Variants in SLC24A2 observed in about 807,000 individuals in gnomAD.
The protein encoded by SLC24A2 is solute carrier family 24 member 2.
In SLC24A2, 36 loss-of-function variants were observed where a neutral mutation model predicts 62.0. The ratio of observed to expected loss-of-function variants is 0.58; its 90% CI spans 0.44 to 0.77. The LOEUF (loss-of-function observed/expected upper bound fraction) is 0.77, where lower values mean the gene tolerates loss of function less well. Among genes scored for constraint, SLC24A2 ranks in the 30% least tolerant of loss-of-function variants. The pLI is 0.00. For synonymous variants in SLC24A2, 358 were observed against 294.0 expected (o/e 1.22, Z -2.23); for missense variants, 846 against 817.9 (o/e 1.03, Z -0.42).
intron 2 of SLC24A2, among the ~76,000 whole-genome samples, chr9:19,665,013 G>T (rs1450239648): frequency 6.6e-6 from 1 of 152,202 alleles, no homozygotes; most frequent in South Asian, 2.1e-4. Context: ...GTAACACCAG[G>T]TTTGCTGATT....
the SLC24A2 span, among the ~76,000 whole-genome samples, chr9:20,295,501 G>A: frequency 6.6e-6 from 1 of 152,192 alleles, no homozygotes; most frequent in African/African-American, 2.4e-5. Flanking sequence ...GTGTGTCTGT[G>A]AGGGTGTTTC....
At chr9:19,828,866 C>A in the SLC24A2 span, among the ~76,000 whole-genome samples, 1 of 152,062 alleles carries the variant, frequency 6.6e-6, no homozygotes, top group Admixed American at 6.6e-5. Context: ...GCTGCTCAGG[C>A]TCAGAGAAGC....
the SLC24A2 span, among the ~76,000 whole-genome samples, chr9:20,052,145 A>T: frequency 1.5e-4 from 23 of 152,300 alleles, no homozygotes; most frequent in African/African-American, 5.1e-4. Context: ...TATATATTTA[A>T]TTGCTTCATT....
At chr9:20,190,794 G>A in the SLC24A2 span, among the ~76,000 whole-genome samples, 5 of 152,078 alleles carry the variant, frequency 3.3e-5, no homozygotes, top group African/African-American at 1.2e-4. Context: ...GTATGACTTC[G>A]GGAAAATTAT....
At chr9:20,003,209 C>A in the SLC24A2 span, among the ~76,000 whole-genome samples, 1 of 152,130 alleles carries the variant, frequency 6.6e-6, no homozygotes, top group Admixed American at 6.5e-5. Context: ...AACACTTGAA[C>A]ACGTAACACA....
At chr9:20,110,960 G>A in the SLC24A2 span, among the ~76,000 whole-genome samples, 1 of 152,134 alleles carries the variant, frequency 6.6e-6, no homozygotes, top group East Asian at 1.9e-4. Context: ...TTTCTTGGTA[G>A]TATGTTTAAA....
chr9:20,020,477 A>G, the SLC24A2 span, among the ~76,000 whole-genome samples: 37 of 152,276 alleles, frequency 2.4e-4, no homozygotes, highest in African/African-American at 8.9e-4. Context: ...AAGAACAGAA[A>G]ACCAAACACT....
chr9:20,162,524 G>T, the SLC24A2 span, among the ~76,000 whole-genome samples: 4 of 151,974 alleles, frequency 2.6e-5, no homozygotes, highest in African/African-American at 9.7e-5. Context: ...GGACCAGATG[G>T]ATTCACAGCC....
chr9:20,197,566 A>T, the SLC24A2 span, among the ~76,000 whole-genome samples: 12 of 151,202 alleles, frequency 7.9e-5, no homozygotes, highest in Admixed American at 7.9e-4. Flanking sequence ...CGAGTAGCTG[A>T]CACTACAGGC....
the SLC24A2 span, among the ~76,000 whole-genome samples, chr9:20,078,070 G>A: frequency 3.3e-5 from 5 of 149,626 alleles, no homozygotes; most frequent in Non-Finnish European, 7.5e-5. Flanking sequence ...ATACTTTCTG[G>A]TACTGGTTTA....
the SLC24A2 span, among the ~76,000 whole-genome samples, chr9:20,201,866 G>A: frequency 2.2e-3 from 329 of 152,218 alleles, 1 homozygote; most frequent in Non-Finnish European, 3.5e-3. Flanking sequence ...TCAAAAACGT[G>A]GCAATTAGGG....
chr9:20,279,936 G>T, the SLC24A2 span, among the ~76,000 whole-genome samples: 1 of 152,136 alleles, frequency 6.6e-6, no homozygotes, highest in Admixed American at 6.5e-5. Flanking sequence ...AAACCACTGA[G>T]GATCAGGACT....
chr9:20,171,753 C>A, the SLC24A2 span, among the ~76,000 whole-genome samples: 1 of 151,910 alleles, frequency 6.6e-6, no homozygotes, highest in African/African-American at 2.4e-5. Flanking sequence ...GAGCTAGCAA[C>A]ACAATAAAAG....
chr9:20,224,467 A>T, the SLC24A2 span, among the ~76,000 whole-genome samples: 3 of 152,148 alleles, frequency 2.0e-5, no homozygotes, highest in African/African-American at 7.2e-5. Flanking sequence ...CATGGAAGTC[A>T]TAAAACCAGA....
chr9:19,741,192 C>A (rs1187201845), intron 2 of SLC24A2, among the ~76,000 whole-genome samples: 2 of 152,138 alleles, frequency 1.3e-5, no homozygotes, highest in African/African-American at 4.8e-5. Flanking sequence ...TGACTCCAAA[C>A]CCACTCTTGT....
At chr9:20,042,258 T>C in the SLC24A2 span, among the ~76,000 whole-genome samples, 1 of 152,152 alleles carries the variant, frequency 6.6e-6, no homozygotes, top group South Asian at 2.1e-4. Context: ...TTGTGGTGTC[T>C]AGGGAAAGGA....
the SLC24A2 span, among the ~76,000 whole-genome samples, chr9:20,240,826 A>G: frequency 2.0e-5 from 3 of 152,170 alleles, no homozygotes; most frequent in East Asian, 1.9e-4. Flanking sequence ...CGATTGATCA[A>G]TGTGACCATA....
chr9:20,029,826 G>A, the SLC24A2 span, among the ~76,000 whole-genome samples: 1 of 151,982 alleles, frequency 6.6e-6, no homozygotes, highest in Admixed American at 6.6e-5. Context: ...GTGTGTGTCT[G>A]TGTGTGTGTA....
chr9:20,207,317 C>T, the SLC24A2 span, among the ~76,000 whole-genome samples: 1 of 152,162 alleles, frequency 6.6e-6, no homozygotes, highest in Non-Finnish European at 1.5e-5. Flanking sequence ...ATGGCTTACC[C>T]CTGTAGCCTC....
Sources: gnomAD v4.1 joint callset for allele counts (sites outside exome capture counted in the v4.1 genomes callset) on GRCh38, gnomAD v4.1.1 for gene constraint, MANE v1.5 for transcripts, NCBI Gene and HGNC (gene_info 2026-07-23, HGNC 2026-07-21) for gene names.